Variants in ABCB1 observed in about 807,000 individuals in gnomAD.
ABCB1 encodes the protein ATP binding cassette subfamily B member 1, also known as ATP-dependent translocase ABCB1.
ABCB1 carries 69 observed loss-of-function variants against 142.0 expected under a neutral mutation model. That is an observed-to-expected ratio of 0.49 (90% CI 0.40 to 0.59). ABCB1 has a LOEUF of 0.59. ABCB1 is among the 20% of genes least tolerant of loss of function. The pLI is 0.00. For missense variants in ABCB1, 1,326 were observed against 1,554.7 expected (o/e 0.85, Z 2.47); for synonymous variants, 532 against 539.2 (o/e 0.99, Z 0.18).
intron 7 of ABCB1, chr7:87,565,454 C>T (rs1817746836): frequency 4.4e-6 from 2 of 455,168 alleles, no homozygotes; most frequent in Admixed American, 2.4e-5. Flanking sequence ...CCACTTCTAC[C>T]TCTCTGCCTT....
In ABCB1 at chr7:87,703,329, G is replaced by A. The variant is rs1035350455; in HGVS notation, c.-331+9832C>T. Among the ~76,000 whole-genome samples the A allele has an allele frequency of 2.6e-5, 4 of 151,822 alleles. No homozygotes were observed. In the South Asian group the frequency reaches 6.3e-4, roughly 24 times the overall value. ...TTCAAATTAAATATTTTGTAAGCAC[G>A]AACTGAGTATATGTTTTAAAAACCA... On this transcript the variant is annotated intron_variant, in intron 1 of 28. Coordinates refer to the ABCB1 transcript ENST00000265724.
At chr7:87,530,804 A>C (rs146770814) in intron 21 of ABCB1, among the ~76,000 whole-genome samples, 1,800 of 99,692 alleles carry the variant, frequency 0.018, 23 homozygotes, top group Non-Finnish European at 0.026. Context: ...AAAGCAAGAA[A>C]GCAAGAAAGC....
At chr7:87,710,277 A>G (rs1488845534) in intron 1 of ABCB1, among the ~76,000 whole-genome samples, 3 of 152,186 alleles carry the variant, frequency 2.0e-5, no homozygotes, top group African/African-American at 7.2e-5. Flanking sequence ...ATATAATTAC[A>G]TCATGTAATT....
intron 3 of ABCB1, among the ~76,000 whole-genome samples, chr7:87,592,106 C>T (rs1819022130): frequency 6.6e-6 from 1 of 152,166 alleles, no homozygotes. Context: ...GAAATCAAGA[C>T]AGAACGCAAA....
chr7:87,544,620 A>G (rs1192873712), intron 16 of ABCB1, among the ~76,000 whole-genome samples: 2 of 152,240 alleles, frequency 1.3e-5, no homozygotes. Flanking sequence ...TCTTTACACT[A>G]TAAATTTTAA....
chr7:87,687,994 A>G (rs1374466216), intron 1 of ABCB1, among the ~76,000 whole-genome samples: 5 of 152,186 alleles, frequency 3.3e-5, no homozygotes, highest in Admixed American at 2.0e-4. Flanking sequence ...CTGTAGTAAC[A>G]TATGAACACA....
At chr7:87,576,389 T>TAC (rs972020467) in intron 4 of ABCB1, among the ~76,000 whole-genome samples, 1 of 149,802 alleles carries the variant, frequency 6.7e-6, no homozygotes, top group Non-Finnish European at 1.5e-5. Flanking sequence ...GAGCTATACA[T>TAC]ATACACACAC....
rs561387574 is a variant in ABCB1, at chr7:87,595,894, A to G, written c.69-80T>C. Reference sequence around the variant, plus strand: ...TTACCCAAATTAACATAGAATGTATATTTAATGACTAATAGGAAGAAGAAA... The same window carrying G: ...TTACCCAAATTAACATAGAATGTATGTTTAATGACTAATAGGAAGAAGAAA... On this transcript the variant is annotated intron_variant, in intron 2 of 27. Coordinates refer to ENST00000622132, the MANE Select transcript of ABCB1 (RefSeq NM_001348946.2). 848 of 1,098,328 alleles carry G rather than the reference A, an allele frequency of 7.7e-4. 5 individuals carry two copies. The highest frequency in any genetic ancestry group is 9.8e-4 in the Middle Eastern group (4 of 4,066). The allele number at this position is 1,098,328 out of a possible 1,614,324, so 68.0% of individuals were successfully genotyped here. A position where few individuals can be genotyped will look rare whatever the true frequency, so the allele number is the denominator to read the frequency against.
At chr7:87,700,517 T>C (rs531310295) in intron 1 of ABCB1, 3 of 1,613,376 alleles carry the variant, frequency 1.9e-6, no homozygotes, top group East Asian at 2.2e-5. Flanking sequence ...ATCTGCAGCA[T>C]TGAAAATATG....
chr7:87,613,836 T>C (rs1023841447), intron 1 of ABCB1, among the ~76,000 whole-genome samples: 3 of 152,204 alleles, frequency 2.0e-5, no homozygotes, highest in Non-Finnish European at 4.4e-5. Flanking sequence ...ATACCTTCTG[T>C]ATCTAAAATA....
Position 87,587,823 on chromosome 7 carries a change from C to A in ABCB1, c.118-2143G>T, listed in dbSNP as rs977081379. On this transcript the variant is annotated intron_variant, in intron 3 of 27. Coordinates refer to ENST00000622132, the MANE Select transcript of ABCB1 (RefSeq NM_001348946.2). ...CTGGGAGGCGGAGCTTGCAGTGAGC[C>A]GAGATCGCACCACTGCACTCCAGCC... Among the ~76,000 whole-genome samples, 3 of 146,772 alleles carry A rather than the reference C, an allele frequency of 2.0e-5. No individual in the cohort carries two copies. In the East Asian group the frequency reaches 6.0e-4, roughly 29 times the overall value.
intron 8 of ABCB1, among the ~76,000 whole-genome samples, chr7:87,556,842 C>T (rs1263089770): frequency 6.6e-6 from 1 of 152,160 alleles, no homozygotes. Context: ...CCCATCATCC[C>T]CACATTCTGG....
intron 1 of ABCB1, among the ~76,000 whole-genome samples, chr7:87,624,479 G>C (rs187708581): frequency 1.3e-5 from 2 of 152,188 alleles, no homozygotes; most frequent in East Asian, 3.9e-4. Flanking sequence ...TGTCTGTTTC[G>C]ATGAGAAGAA....
intron 4 of ABCB1, among the ~76,000 whole-genome samples, chr7:87,583,982 T>G (rs1818625967): frequency 6.6e-6 from 1 of 152,114 alleles, no homozygotes; most frequent in Non-Finnish European, 1.5e-5. Context: ...AACTAATGAA[T>G]TCAGAAAGCA....
chr7:87,705,341 G>A (rs932948261), intron 1 of ABCB1, among the ~76,000 whole-genome samples: 9 of 152,168 alleles, frequency 5.9e-5, no homozygotes, highest in Admixed American at 1.3e-4. Flanking sequence ...CAGGAGAATC[G>A]CTTGAACCCA....
intron 21 of ABCB1, among the ~76,000 whole-genome samples, chr7:87,528,681 T>C (rs1461918022): frequency 6.6e-6 from 1 of 152,184 alleles, no homozygotes; most frequent in East Asian, 1.9e-4. Flanking sequence ...AGAATAAGTG[T>C]GGGCTCTAAT....
chr7:87,615,007 GC>G lies in ABCB1; in HGVS notation c.-330-13930del, dbSNP rs1257252525. On this transcript the variant is annotated intron_variant, in intron 1 of 28. Transcript: ENST00000265724. ...CTAGAGGTGCCCGCCACCATGTCCTGCTAAATTTTTTGTATTTTTAGTAGAG... is the reference window on the plus strand; with the variant it reads ...CTAGAGGTGCCCGCCACCATGTCCTGTAAATTTTTTGTATTTTTAGTAGAG... 2.6e-5 allele frequency among the ~76,000 whole-genome samples: 4 copies of G among 152,118 alleles called. No homozygotes were observed. In the East Asian group the frequency reaches 7.7e-4, roughly 29 times the overall value.
intron 1 of ABCB1, among the ~76,000 whole-genome samples, chr7:87,663,774 G>A (rs1824949901): frequency 6.6e-6 from 1 of 152,064 alleles, no homozygotes; most frequent in African/African-American, 2.4e-5. Context: ...AGTTCTGGAG[G>A]ATGAGAAGTC....
Position 87,531,315 on chromosome 7 carries a change from T to C in ABCB1, c.2664A>G (p.Lys888=). The C allele has an allele frequency of 6.2e-7, 1 of 1,613,284 alleles. No individual in the cohort carries two copies. The highest frequency in any genetic ancestry group is 8.5e-7 in the Non-Finnish European group (1 of 1,179,568). ...MLSGQALKDK[K]ELEGSGKIAT... is the part of the protein sequence containing the mutation. ...TCACCTTCCCAGAACCTTCTAGTTC[T>C]TTCTTATCTTTCAGTGCTTGTCCAG... Residue 888 remains lysine (K), a synonymous_variant, in exon 21 of 28, where the codon AAA becomes AAG. Coordinates refer to ENST00000622132, the MANE Select transcript of ABCB1 (RefSeq NM_001348946.2).
Sources: allele counts gnomAD v4.1 joint callset (sites outside exome capture counted in the v4.1 genomes callset), GRCh38; gene constraint gnomAD v4.1.1; transcripts MANE v1.5; gene names NCBI Gene and HGNC (gene_info 2026-07-23, HGNC 2026-07-21).